TRHDE: variants seen among roughly 807,000 people sequenced by gnomAD.
TRHDE encodes thyrotropin-releasing hormone-degrading ectoenzyme.
A neutral mutation model predicts 125.7 loss-of-function variants in TRHDE; 72 were observed. The ratio of observed to expected loss-of-function variants is 0.57; its 90% CI spans 0.47 to 0.70. TRHDE has a LOEUF of 0.70. TRHDE is among the 30% of genes least tolerant of loss of function. The pLI, the probability that TRHDE is intolerant of heterozygous loss-of-function variation, is 0.00. For missense variants in TRHDE, 1,110 were observed against 1,327.1 expected, an observed-to-expected ratio of 0.84 and a Z score of 2.54; for synonymous variants, 509 against 509.1, an observed-to-expected ratio of 1.00 and a Z score of 0.00.
Position 72,653,061 on chromosome 12 carries a change from T to A in TRHDE, c.2889T>A (p.Asp963Glu), listed in dbSNP as rs1031901340. Residue 963 changes from aspartate to glutamate, a missense_variant, in exon 17 of 19, where the codon GAT becomes GAA. Around this residue, in one of 5 missense-constraint regions of TRHDE, gnomAD observed 527 missense variants for 651.8 expected, o/e 0.81. Coordinates refer to ENST00000261180, the MANE Select transcript of TRHDE (RefSeq NM_013381.3). ...ATTCTGAGGTGGTGCTGGATCAAGA[T>A]GCAATTGATGTCATAATCCATGTAG... ...SLNSEVVLDQDAIDVIIHVAR... is the reference protein window; with the variant it reads ...SLNSEVVLDQEAIDVIIHVAR... 8.1e-6 allele frequency: 13 copies of A among 1,607,874 alleles called. No homozygotes were observed. Among genetic ancestry groups the A allele is most frequent in the African/African-American group, 1.3e-5 (1 of 74,712 alleles).
chr12:72,493,964 T>C (rs1329806325), intron 5 of TRHDE, among the ~76,000 whole-genome samples: 12 of 152,044 alleles, frequency 7.9e-5, no homozygotes, highest in Non-Finnish European at 1.8e-4. Flanking sequence ...TGTTTTAACA[T>C]TTGTTTTCGC....
At chr12:72,141,124 C>T (rs192639942) in intron 2 of TRHDE, among the ~76,000 whole-genome samples, 1 of 152,058 alleles carries the variant, frequency 6.6e-6, no homozygotes, top group East Asian at 1.9e-4. Flanking sequence ...TATAAGGCAC[C>T]TTGTATTTTA....
chr12:72,175,405 G>A (rs1388363180), intron 2 of TRHDE, among the ~76,000 whole-genome samples: 2 of 152,172 alleles, frequency 1.3e-5, no homozygotes, highest in African/African-American at 4.8e-5. Flanking sequence ...CATAGGATTT[G>A]ACAGCATCAA....
At chr12:72,581,248 AG>A (rs1038410349) in intron 12 of TRHDE, among the ~76,000 whole-genome samples, 2 of 152,252 alleles carry the variant, frequency 1.3e-5, no homozygotes, top group African/African-American at 4.8e-5. Flanking sequence ...AATATTTAAA[AG>A]ATTTGCAATA....
At chr12:72,637,923 A>T (rs920356590) in intron 15 of TRHDE, among the ~76,000 whole-genome samples, 2 of 152,138 alleles carry the variant, frequency 1.3e-5, no homozygotes, top group Admixed American at 6.5e-5. Context: ...TTTACTTCCA[A>T]GTATGTGGTC....
intron 2 of TRHDE, among the ~76,000 whole-genome samples, chr12:72,111,235 T>C (rs1327064392): frequency 2.0e-5 from 3 of 152,178 alleles, no homozygotes; most frequent in Non-Finnish European, 4.4e-5. Context: ...ACTGGTTCTA[T>C]TGATAATCTG....
chr12:72,389,153 CTGG>C (rs1872539496), intron 3 of TRHDE, among the ~76,000 whole-genome samples: 3 of 152,040 alleles, frequency 2.0e-5, no homozygotes, highest in South Asian at 4.2e-4. Context: ...AGAAATGTTG[CTGG>C]GTGGAGAGGG....
intron 10 of TRHDE, among the ~76,000 whole-genome samples, 184 bp from the exon 11 acceptor site, chr12:72,575,071 C>G (rs1397857121): frequency 6.6e-6 from 1 of 151,944 alleles, no homozygotes; most frequent in Non-Finnish European, 1.5e-5. Flanking sequence ...TAGTGAGTAA[C>G]CAATTAAAAG....
intron 2 of TRHDE, among the ~76,000 whole-genome samples, chr12:72,360,659 G>T (rs1365977544): frequency 6.6e-6 from 1 of 151,548 alleles, no homozygotes; most frequent in Non-Finnish European, 1.5e-5. Flanking sequence ...GAAGAGAAAT[G>T]GATAATACAG....
At chr12:72,503,322 G>A (rs1175039371) in intron 6 of TRHDE, among the ~76,000 whole-genome samples, 1 of 152,104 alleles carries the variant, frequency 6.6e-6, no homozygotes, top group East Asian at 1.9e-4. Flanking sequence ...CAGAAAATCA[G>A]GTTCCAGAGC....
intron 6 of TRHDE, among the ~76,000 whole-genome samples, chr12:72,521,115 C>T (rs1440364694): frequency 6.6e-6 from 1 of 152,186 alleles, no homozygotes; most frequent in Non-Finnish European, 1.5e-5. Flanking sequence ...TATTGACTTT[C>T]ACAGCAGAGA....
chr12:72,377,946 A>G, intron 2 of TRHDE, 49 bp from the exon 3 acceptor site: 1 of 1,356,930 alleles, frequency 7.4e-7, no homozygotes, highest in Non-Finnish European at 9.9e-7. Context: ...GGAAGATAAA[A>G]CTCAAGTGCT....
intron 3 of TRHDE, among the ~76,000 whole-genome samples, chr12:72,407,525 T>C (rs1467273471): frequency 1.3e-5 from 2 of 152,154 alleles, no homozygotes; most frequent in Non-Finnish European, 2.9e-5. Flanking sequence ...GAGAGGTCAT[T>C]TGGGTCAACA....
At chr12:72,375,644 C>T (rs917190636) in intron 2 of TRHDE, among the ~76,000 whole-genome samples, 1 of 152,150 alleles carries the variant, frequency 6.6e-6, no homozygotes, top group African/African-American at 2.4e-5. Flanking sequence ...GAAAGCTATT[C>T]ATTCTTCCTC....
chr12:72,444,895 G>C (rs1875197526), intron 3 of TRHDE, among the ~76,000 whole-genome samples: 1 of 151,690 alleles, frequency 6.6e-6, no homozygotes, highest in African/African-American at 2.4e-5. Context: ...TTGTTTATTA[G>C]TACTGTAGCA....
intron 5 of TRHDE, among the ~76,000 whole-genome samples, chr12:72,485,181 C>A (rs1165541408): frequency 1.3e-5 from 2 of 152,130 alleles, no homozygotes; most frequent in African/African-American, 4.8e-5. Flanking sequence ...GAGCTACACC[C>A]AGAGAAGGAG....
chr12:72,273,305 C>T lies in TRHDE; in HGVS notation c.662C>T (p.Ala221Val). ...EVNVEIACRN[A>V]TRYVVLHASR... ...AACGTGGAGATCGCGTGCCGGAACG[C>T]CACCCGCTACGTAGTGCTGCACGCT... The change falls in exon 1 of 19, where the codon GCC becomes GTC. Residue 221 changes from alanine to valine, a missense_variant. By Grantham distance (64) the Ala-to-Val change is moderately conservative. Transcript: ENST00000261180. This position sits in a 1 kb window ranked among gnomAD's most constrained non-coding sequence, Gnocchi z 5.3. 6.2e-7 allele frequency: 1 copy of T among 1,613,898 alleles called. No homozygotes were observed. The highest frequency in any genetic ancestry group is 8.5e-7 in the Non-Finnish European group (1 of 1,179,978).
intron 2 of TRHDE, among the ~76,000 whole-genome samples, chr12:72,247,924 T>TTATC (rs1188801541): frequency 6.6e-6 from 1 of 152,202 alleles, no homozygotes; most frequent in African/African-American, 2.4e-5. Context: ...TATCTATCTA[T>TTATC]TATCTATCAT....
intron 2 of TRHDE, among the ~76,000 whole-genome samples, chr12:72,289,001 A>G (rs1485144717): frequency 6.6e-6 from 1 of 152,168 alleles, no homozygotes; most frequent in Non-Finnish European, 1.5e-5. Flanking sequence ...CTGTGGAAAT[A>G]TAGTTTAGAA....
Sources: allele counts gnomAD v4.1 joint callset (sites outside exome capture counted in the v4.1 genomes callset), GRCh38; gene constraint gnomAD v4.1.1; regional missense constraint gnomAD v4.1.1; non-coding constraint Gnocchi (gnomAD v3.1); transcripts MANE v1.5; gene names NCBI Gene and HGNC (gene_info 2026-07-23, HGNC 2026-07-21).